The following CREB5 variants were observed in gnomAD, a reference collection of about 807,000 sequenced individuals.
CREB5 encodes the protein cAMP responsive element binding protein 5, also known as cyclic AMP-responsive element-binding protein 5.
In CREB5, 19 loss-of-function variants were observed where a neutral mutation model predicts 57.1. The ratio of observed to expected loss-of-function variants is 0.33; its 90% confidence interval spans 0.23 to 0.49. The LOEUF (loss-of-function observed/expected upper bound fraction) is 0.49. Ranked by LOEUF, CREB5 falls within the 20% of genes least tolerant of loss-of-function variation. The pLI is 0.99. For missense variants in CREB5, 579 were observed against 671.6 expected (o/e 0.86, Z 1.52); for synonymous variants, 238 against 238.3 (o/e 1.00, Z 0.01).
chr7:28,320,170 G>T (rs767745474), intron 1 of CREB5, among the ~76,000 whole-genome samples: 23 of 152,104 alleles, frequency 1.5e-4, no homozygotes, highest in Middle Eastern at 3.4e-3. Flanking sequence ...ACCTCAAGTG[G>T]TCTGCTTGCC....
intron 1 of CREB5, among the ~76,000 whole-genome samples, chr7:28,469,030 G>T (rs1226429358): frequency 6.6e-6 from 1 of 152,096 alleles, no homozygotes; most frequent in South Asian, 2.1e-4. Flanking sequence ...GTAGTTCCAG[G>T]CAAGATAGGC....
At chr7:28,590,703 A>G (rs567066878) in intron 5 of CREB5, among the ~76,000 whole-genome samples, 3 of 148,162 alleles carry the variant, frequency 2.0e-5, no homozygotes, top group African/African-American at 5.2e-5. Flanking sequence ...AATAATAATA[A>G]TAATAAAAAC....
intron 1 of CREB5, among the ~76,000 whole-genome samples, chr7:28,392,223 A>G (rs1273911816): frequency 5.3e-5 from 8 of 152,160 alleles, no homozygotes; most frequent in African/African-American, 1.9e-4. Context: ...AAACTCTGTG[A>G]CATGAGTTTG....
intron 1 of CREB5, among the ~76,000 whole-genome samples, chr7:28,313,892 A>G (rs1165986138): frequency 6.6e-6 from 1 of 152,244 alleles, no homozygotes; most frequent in Non-Finnish European, 1.5e-5. Context: ...CTAGCATACC[A>G]TACAATGAGT....
intron 4 of CREB5, among the ~76,000 whole-genome samples, chr7:28,550,350 T>G (rs1362955123): frequency 1.3e-5 from 2 of 152,194 alleles, no homozygotes; most frequent in African/African-American, 4.8e-5. Flanking sequence ...AGGTCAGTGC[T>G]GTCTCCCAGA....
chr7:28,779,703 C>T (rs998830620), intron 7 of CREB5, among the ~76,000 whole-genome samples: 2 of 152,172 alleles, frequency 1.3e-5, no homozygotes, highest in Non-Finnish European at 2.9e-5. Context: ...AGCTATTTGT[C>T]ATCTAGACTA....
At chr7:28,762,825 C>T (rs940724567) in intron 7 of CREB5, among the ~76,000 whole-genome samples, 2 of 151,348 alleles carry the variant, frequency 1.3e-5, no homozygotes, top group Non-Finnish European at 2.9e-5. Context: ...TTTATTTCTT[C>T]ACACATCTTC....
At chr7:28,682,630 T>C (rs186111987) in intron 5 of CREB5, among the ~76,000 whole-genome samples, 1 of 149,994 alleles carries the variant, frequency 6.7e-6, no homozygotes, top group African/African-American at 2.5e-5. Context: ...AAACAACATT[T>C]GAAAGAAGAT....
At chr7:28,461,509 G>A (rs1427557642) in intron 1 of CREB5, among the ~76,000 whole-genome samples, 1 of 152,066 alleles carries the variant, frequency 6.6e-6, no homozygotes, top group Non-Finnish European at 1.5e-5. Context: ...CCTGTTGGTA[G>A]TCATAATTTT....
intron 4 of CREB5, among the ~76,000 whole-genome samples, chr7:28,561,019 T>TGTGTGCGTGCGTGTGTGCGTGC (rs1562798626): frequency 3.2e-5 from 1 of 31,356 alleles, no homozygotes; most frequent in Non-Finnish European, 6.0e-5. Context: ...TGTGTGTGCG[T>TGTGTGCGTGCGTGTGTGCGTGC]GTGTGCGTGT....
chr7:28,791,864 T>G (rs1807730028), intron 7 of CREB5, among the ~76,000 whole-genome samples: 1 of 152,196 alleles, frequency 6.6e-6, no homozygotes, highest in African/African-American at 2.4e-5. Flanking sequence ...GTTCCACACT[T>G]TCCTCCCACC....
chr7:28,763,269 G>A lies in CREB5; in HGVS notation c.702+38937G>A, dbSNP rs192209557. On this transcript the variant is annotated intron_variant, in intron 7 of 10. Transcript: ENST00000357727. ...CTGCATCCTTAGTAGCTACTAATAGGTATTCAAATTGTGACGTGTATATAC... is the reference window on the plus strand; with the variant it reads ...CTGCATCCTTAGTAGCTACTAATAGATATTCAAATTGTGACGTGTATATAC... 2.5e-3 allele frequency among the ~76,000 whole-genome samples: 387 copies of A among 152,230 alleles called. 2 individuals carry two copies. Among genetic ancestry groups the A allele is most frequent in the Non-Finnish European group, 4.3e-3 (295 of 68,024 alleles).
In CREB5 at chr7:28,693,775, G is replaced by C. The variant is rs114815245; in HGVS notation, c.465-24978G>C. Among the ~76,000 whole-genome samples, 1,167 of 152,338 alleles carry C rather than the reference G, an allele frequency of 7.7e-3. 14 individuals are homozygous for C. The highest frequency in any genetic ancestry group is 0.026 in the African/African-American group (1,085 of 41,576). The stretch of plus-strand genomic sequence containing the variant: ...ATAAGAGCATAATACACTTAGCATA[G>C]TAAGTGCTCAGCAAATGTTAGTTAT... On this transcript the variant is annotated intron_variant, in intron 5 of 10. Transcript: ENST00000357727.
intron 6 of CREB5, among the ~76,000 whole-genome samples, chr7:28,722,419 C>T (rs1475766131): frequency 6.6e-6 from 1 of 152,170 alleles, no homozygotes; most frequent in Non-Finnish European, 1.5e-5. Context: ...CATCCACCAG[C>T]CTCTGGAAGG....
intron 1 of CREB5, among the ~76,000 whole-genome samples, chr7:28,354,716 A>G (rs970719162): frequency 2.0e-5 from 3 of 152,108 alleles, no homozygotes; most frequent in Non-Finnish European, 2.9e-5. Context: ...CCCACATCCC[A>G]GAGACTTAAG....
chr7:28,560,825 C>CGTGCGTGCGTGT (rs1562797019), intron 4 of CREB5, among the ~76,000 whole-genome samples: 2 of 37,622 alleles, frequency 5.3e-5, no homozygotes, highest in African/African-American at 7.2e-5. Flanking sequence ...TGTGTGTGCG[C>CGTGCGTGCGTGT]GCGCGCGCGT....
At chr7:28,746,492 T>C (rs1184931775) in intron 7 of CREB5, among the ~76,000 whole-genome samples, 1 of 152,210 alleles carries the variant, frequency 6.6e-6, no homozygotes, top group Non-Finnish European at 1.5e-5. Context: ...ACCTGCTTTT[T>C]AATAAGATTC....
intron 5 of CREB5, among the ~76,000 whole-genome samples, chr7:28,630,682 T>C (rs538582166): frequency 2.6e-5 from 4 of 152,302 alleles, no homozygotes; most frequent in African/African-American, 7.2e-5. Context: ...ATTATAATCA[T>C]TCTGATTAAG....
In CREB5 at chr7:28,476,710, A is replaced by G. The variant is rs368729191; in HGVS notation, c.4-11465A>G. Among the ~76,000 whole-genome samples, 3 of 152,376 alleles carry G rather than the reference A, an allele frequency of 2.0e-5. No individual in the cohort carries two copies. In the East Asian group the frequency reaches 5.8e-4, roughly 29 times the overall value. Reference sequence around the variant, plus strand: ...AGCAAAATAAAGCCTAAATTTAAAAAACAAACAAAATCCCACTTCCGAAAG... The same window carrying G: ...AGCAAAATAAAGCCTAAATTTAAAAGACAAACAAAATCCCACTTCCGAAAG... On this transcript the variant is annotated intron_variant, in intron 1 of 10. Coordinates refer to ENST00000357727, the MANE Select transcript of CREB5 (RefSeq NM_182898.4).
Sources: allele counts gnomAD v4.1 joint callset (sites outside exome capture counted in the v4.1 genomes callset), GRCh38; gene constraint gnomAD v4.1.1; transcripts MANE v1.5; gene names NCBI Gene and HGNC (gene_info 2026-07-23, HGNC 2026-07-21).